The following MTO1 variants were observed in gnomAD, a reference collection of about 807,000 sequenced individuals.
MTO1 encodes 5-taurinomethyluridine-[tRNA] synthase subunit MTO1, mitochondrial.
MTO1 carries 46 observed loss-of-function variants against 71.6 expected under a neutral mutation model. That is an observed-to-expected ratio of 0.64 (90% CI 0.51 to 0.82). MTO1 has a LOEUF of 0.82. Among genes scored for constraint, MTO1 ranks in the 40% least tolerant of loss-of-function variants. MTO1 has a pLI of 0.00. For missense variants in MTO1, 773 were observed against 867.5 expected (o/e 0.89, Z 1.37); for synonymous variants, 297 against 312.1 (o/e 0.95, Z 0.51).
In MTO1 at chr6:73,497,741, T is replaced by C; in HGVS notation, c.1762T>C (p.Tyr588His). Reference sequence around the variant, plus strand: ...ATTCTGATTTTGTTGACCAGCCACTTATGAATCAGTGTTGTTCCATCAACT... The same window carrying C: ...ATTCTGATTTTGTTGACCAGCCACTCATGAATCAGTGTTGTTCCATCAACT... ...LAERLKIEAT[Y>H]ESVLFHQLQE... is the part of the protein sequence containing the mutation. The change falls in exon 11 of 12, where the codon TAT (tyrosine) becomes CAT (histidine). Residue 588 changes from tyrosine (Y) to histidine (H), a missense_variant. Tyr to His is a moderately conservative substitution (Grantham distance 83). Transcript: ENST00000498286. The C allele has an allele frequency of 6.2e-7, 1 of 1,611,016 alleles. No individual in the cohort carries two copies. Among genetic ancestry groups the C allele is most frequent in the African/African-American group, 1.3e-5 (1 of 75,040 alleles).
rs187273506 is a variant in MTO1, at chr6:73,490,752, C to T, written c.1638-1482C>T. Among the ~76,000 whole-genome samples, 333 of 150,152 alleles carry T rather than the reference C, an allele frequency of 2.2e-3. 1 individual carries two copies. The highest frequency in any genetic ancestry group is 4.0e-3 in the Non-Finnish European group (272 of 67,770). ...AAAAAAAAGCCATGGCAATAACCTT[C>T]TAAGTAAATTACAGCAAAATAAAGG... is the stretch of plus-strand genomic sequence containing the variant. On this transcript the variant is annotated intron_variant, in intron 9 of 11. Transcript: ENST00000498286.
rs1771338052 is a variant in MTO1 at position 73,476,819 on chromosome 6, C to A, written c.826-2913C>A. Among the ~76,000 whole-genome samples the A allele has an allele frequency of 2.7e-5, 4 of 150,102 alleles. No homozygotes were observed. The South Asian group carries it at 8.4e-4, about 32-fold the overall frequency. ...TTTTTTTTTTTTTGAGACGGAGCCT[C>A]ACACTATCCCCCAGGCTGGAGTGCA... On this transcript the variant is annotated intron_variant, in intron 4 of 11. Coordinates refer to ENST00000498286, the MANE Select transcript of MTO1 (RefSeq NM_012123.4).
At chr6:73,486,537 A>T in intron 9 of MTO1, 1 of 409,932 alleles carries the variant, frequency 2.4e-6, no homozygotes, top group South Asian at 1.7e-5. Flanking sequence ...CAGGAGTTCG[A>T]AACCAGCCTG....
Position 73,500,933 on chromosome 6 carries a change from CTCTT to C in MTO1, c.*204_*207del, listed in dbSNP as rs1772143765. On this transcript the variant is annotated 3_prime_UTR_variant, in exon 12 of 12. Transcript: ENST00000498286. The stretch of plus-strand genomic sequence containing the variant: ...AAAAACTAGTCGTAAACAATTTGTA[CTCTT>C]TCTTTAAGGAGCTGTAATACAAATA... The C allele has an allele frequency of 2.5e-6, 1 of 408,114 alleles. No homozygotes were observed. Among genetic ancestry groups the C allele is most frequent in the Non-Finnish European group, 4.2e-6 (1 of 237,560 alleles). 25.3% of individuals were successfully genotyped at this position (408,114 alleles called of 1,614,324 possible). A position where few individuals can be genotyped will look rare whatever the true frequency, so the allele number is the denominator to read the frequency against.
At chr6:73,492,866 A>C (rs1771855488) in intron 10 of MTO1, 1 of 151,620 alleles carries the variant, frequency 6.6e-6, no homozygotes. Flanking sequence ...CCTCAGACCC[A>C]CTGAGAATCT....
At position 73,497,770 on chromosome 6, in the gene MTO1, A is replaced by G. The variant is rs1034296842; in HGVS notation, c.1791A>G (p.Gln597=). 4.3e-6 allele frequency: 7 copies of G among 1,613,934 alleles called. No homozygotes were observed. The African/African-American group carries it at 6.7e-5, about 15-fold the overall frequency. Residue 597 remains glutamine (Q), a synonymous_variant, in exon 11 of 12, where the codon CAA becomes CAG. Coordinates refer to ENST00000498286, the MANE Select transcript of MTO1 (RefSeq NM_012123.4). ...TYESVLFHQL[Q]EIKGVQQDEA... is the part of the protein sequence containing the mutation. ...AATCAGTGTTGTTCCATCAACTACA[A>G]GAAATAAAGGGAGTTCAGCAAGATG...
At chr6:73,499,620 G>A (rs192211657) in intron 11 of MTO1, among the ~76,000 whole-genome samples, 101 of 152,194 alleles carry the variant, frequency 6.6e-4, no homozygotes, top group African/African-American at 2.4e-3. Flanking sequence ...TATGACTAGT[G>A]GCTACCATAT....
intron 4 of MTO1, among the ~76,000 whole-genome samples, chr6:73,474,936 A>T (rs1243331622): frequency 1.3e-5 from 2 of 148,500 alleles, no homozygotes; most frequent in Non-Finnish European, 3.0e-5. Flanking sequence ...TGTATTTTTA[A>T]TAGAGACGGT....
intron 3 of MTO1, among the ~76,000 whole-genome samples, chr6:73,467,577 C>T (rs1771034495): frequency 6.7e-6 from 1 of 149,780 alleles, no homozygotes; most frequent in African/African-American, 2.4e-5. Flanking sequence ...CACACCATTG[C>T]TCTCCAGCCT....
chr6:73,494,122 CTACTCG>C (rs1771916218), intron 10 of MTO1, among the ~76,000 whole-genome samples: 1 of 151,848 alleles, frequency 6.6e-6, no homozygotes, highest in African/African-American at 2.4e-5. Context: ...ATAATCCCAG[CTACTCG>C]GGAGGCTGAG....
intron 10 of MTO1, among the ~76,000 whole-genome samples, chr6:73,492,968 A>ATGTGTGTGTGTGTGCGTGTGTG (rs1554150367): frequency 1.5e-5 from 1 of 67,850 alleles, no homozygotes; most frequent in African/African-American, 5.6e-5. Context: ...TATATAATAT[A>ATGTGTGTGTGTGTGCGTGTGTG]TGTGTGTGTG....
chr6:73,479,951 T>G lies in MTO1; in HGVS notation c.954T>G (p.Ile318Met). The G allele has an allele frequency of 6.2e-7, 1 of 1,612,638 alleles. No individual in the cohort carries two copies. The highest frequency in any genetic ancestry group is 8.5e-7 in the Non-Finnish European group (1 of 1,179,352). ...TTRGPRYCPS[I>M]ESKVLRFPNR... The stretch of plus-strand genomic sequence containing the variant: ...TCTATTCTAGATACTGTCCCTCCAT[T>G]GAATCAAAAGTTTTGCGTTTTCCAA... The change falls in exon 6 of 12, where the codon ATT becomes ATG. Residue 318 changes from isoleucine (I) to methionine (M), a missense_variant. Physicochemically the swap from Ile to Met is conservative, Grantham distance 10. Coordinates refer to ENST00000498286, the MANE Select transcript of MTO1 (RefSeq NM_012123.4).
In MTO1 at chr6:73,485,441, C is replaced by CTT. The variant is rs1234020094; in HGVS notation, c.1637+2835_1637+2836dup. Among the ~76,000 whole-genome samples the CTT allele has an allele frequency of 6.8e-3, 971 of 142,118 alleles. 13 individuals are homozygous for CTT. The highest frequency in any genetic ancestry group is 0.023 in the African/African-American group (885 of 38,700). 93.2% of individuals were successfully genotyped at this position (142,118 alleles called of 152,430 possible). A position where few individuals can be genotyped will look rare whatever the true frequency, so the allele number is the denominator to read the frequency against. ...TCTACCACTTAGCCTTTCTTTCTTT[C>CTT]TTTTTTTTTTTTTTTGAGACGGAGT... On this transcript the variant is annotated intron_variant, in intron 9 of 11. Transcript: ENST00000498286.
At chr6:73,464,674 A>G (rs1267150122) in intron 1 of MTO1, among the ~76,000 whole-genome samples, 2 of 151,128 alleles carry the variant, frequency 1.3e-5, no homozygotes, top group African/African-American at 2.4e-5. Flanking sequence ...AAAAAAAAAA[A>G]AAGAAAGAAA....
At position 73,506,311 on chromosome 6, in the gene MTO1, G is replaced by A. The variant is rs1454858656; in HGVS notation, c.*5576G>A. ...ATTTTTATGTTCTTTGTTTGATATG[G>A]TTTGGCTGTGTCCCCACCCAAATCT... On this transcript the variant is annotated 3_prime_UTR_variant, in exon 12 of 12. Transcript: ENST00000498286. 1.3e-5 allele frequency: 2 copies of A among 152,134 alleles called. No homozygotes were observed. Among genetic ancestry groups the A allele is most frequent in the East Asian group, 3.9e-4 (2 of 5,194 alleles). The allele number at this position is 152,134 out of a possible 1,614,324, so 9.4% of individuals were successfully genotyped here. A position where few individuals can be genotyped will look rare whatever the true frequency, so the allele number is the denominator to read the frequency against.
At chr6:73,463,235 G>T (rs1409479567) in intron 1 of MTO1, among the ~76,000 whole-genome samples, 1 of 151,666 alleles carries the variant, frequency 6.6e-6, no homozygotes, top group Non-Finnish European at 1.5e-5. Flanking sequence ...GTTTCACCAT[G>T]TTAGCCAGGA....
At chr6:73,480,341 C>T (rs267601113) in intron 6 of MTO1, 6 of 694,428 alleles carry the variant, frequency 8.6e-6, no homozygotes, top group African/African-American at 5.3e-5. Flanking sequence ...GGTGCGATCT[C>T]GGCTCACCAC....
chr6:73,480,201 A>G (rs2150035989), intron 6 of MTO1, 75 bp downstream of exon 6: 5 of 1,409,602 alleles, frequency 3.5e-6, no homozygotes, highest in South Asian at 1.2e-5. Flanking sequence ...CCTTAGCTAC[A>G]GTCATTGTTG....
At chr6:73,462,658 G>A (rs1170607119) in intron 1 of MTO1, among the ~76,000 whole-genome samples, 1 of 152,082 alleles carries the variant, frequency 6.6e-6, no homozygotes, top group Non-Finnish European at 1.5e-5. Context: ...GAACCCGGGG[G>A]CAGAGGTTGC....
Sources: allele counts gnomAD v4.1 joint callset (sites outside exome capture counted in the v4.1 genomes callset), GRCh38; gene constraint gnomAD v4.1.1; transcripts MANE v1.5; gene names NCBI Gene and HGNC (gene_info 2026-07-23, HGNC 2026-07-21).